Variants in DPP10 observed in about 807,000 individuals in gnomAD.
DPP10 encodes inactive dipeptidyl peptidase 10.
A neutral mutation model predicts 120.9 loss-of-function variants in DPP10; 33 were observed. The observed-to-expected ratio is 0.27, with a 90% confidence interval of 0.21 to 0.37. The LOEUF (loss-of-function observed/expected upper bound fraction) is 0.37. Ranked by LOEUF, DPP10 falls within the 10% of genes least tolerant of loss-of-function variation. The pLI, the probability that DPP10 is intolerant of heterozygous loss-of-function variation, is 1.00. For missense variants in DPP10, 816 were observed against 942.8 expected (o/e 0.87, Z 1.76); for synonymous variants, 337 against 326.1 (o/e 1.03, Z -0.36).
At chr2:115,400,674 G>GA (rs2068009415) in intron 3 of DPP10, among the ~76,000 whole-genome samples, 1 of 151,674 alleles carries the variant, frequency 6.6e-6, no homozygotes. Context: ...TGTGATATTG[G>GA]AAAAAAATAG....
At chr2:115,666,721 G>A (rs62157881) in intron 5 of DPP10, among the ~76,000 whole-genome samples, 11,789 of 152,158 alleles carry the variant, frequency 0.077, 645 homozygotes, top group Non-Finnish European at 0.11. Flanking sequence ...ATGAACAGAC[G>A]TGTTCCTCTG....
chr2:115,774,058 A>G (rs1319180010), intron 13 of DPP10, among the ~76,000 whole-genome samples: 1 of 152,140 alleles, frequency 6.6e-6, no homozygotes, highest in Non-Finnish European at 1.5e-5. Flanking sequence ...TTTTGGTCCT[A>G]CACTTGAAAG....
At chr2:115,131,247 G>T (rs1375526029) in intron 1 of DPP10, 1 of 152,238 alleles carries the variant, frequency 6.6e-6, no homozygotes, top group Non-Finnish European at 1.5e-5. Context: ...GGGCACAATG[G>T]CTCATGCCTG....
At chr2:114,601,163 T>C (rs1338598947) in intron 1 of DPP10, among the ~76,000 whole-genome samples, 2 of 151,912 alleles carry the variant, frequency 1.3e-5, no homozygotes, top group African/African-American at 2.4e-5. Context: ...AGCTGATACA[T>C]GCTTGGCACT....
chr2:114,520,469 G>A (rs185831077), intron 1 of DPP10, among the ~76,000 whole-genome samples: 2 of 152,280 alleles, frequency 1.3e-5, no homozygotes, highest in Admixed American at 1.3e-4. Flanking sequence ...ATTACAAATT[G>A]ACAGCAGATA....
At chr2:114,997,707 A>T (rs6542234) in intron 1 of DPP10, among the ~76,000 whole-genome samples, 2 of 152,152 alleles carry the variant, frequency 1.3e-5, no homozygotes, top group Admixed American at 1.3e-4. Flanking sequence ...GATGAGTGTT[A>T]TTGAAAAGAA....
intron 3 of DPP10, among the ~76,000 whole-genome samples, chr2:115,430,704 C>T (rs923507257): frequency 2.6e-5 from 4 of 151,994 alleles, no homozygotes; most frequent in East Asian, 1.9e-4. Context: ...ATTTTCTACC[C>T]GAAAAGCCTT....
chr2:115,322,755 A>G (rs770637102), intron 2 of DPP10, among the ~76,000 whole-genome samples: 6 of 151,502 alleles, frequency 4.0e-5, no homozygotes, highest in Admixed American at 1.3e-4. Flanking sequence ...AAATCATACA[A>G]TTTTTTTTTG....
intron 1 of DPP10, among the ~76,000 whole-genome samples, chr2:114,487,163 A>G (rs887813811): frequency 3.3e-5 from 5 of 152,216 alleles, no homozygotes; most frequent in Admixed American, 6.6e-5. Context: ...TTTTTGTTCC[A>G]TATCTTGCCC....
intron 1 of DPP10, among the ~76,000 whole-genome samples, chr2:115,016,801 C>G (rs569346930): frequency 1.3e-3 from 197 of 152,140 alleles, no homozygotes; most frequent in Admixed American, 2.6e-3. Flanking sequence ...AGACTTGGAA[C>G]CAACCCAAAT....
At chr2:114,799,816 G>T (rs1280377233) in intron 1 of DPP10, among the ~76,000 whole-genome samples, 1 of 152,238 alleles carries the variant, frequency 6.6e-6, no homozygotes, top group Non-Finnish European at 1.5e-5. Context: ...GGTAGGGGAA[G>T]GAAGAGGAGT....
chr2:115,615,716 A>C lies in DPP10; in HGVS notation c.442-73971A>C, dbSNP rs115536800. 6.0e-3 allele frequency among the ~76,000 whole-genome samples: 917 copies of C among 152,304 alleles called. 9 individuals are homozygous for C. Among genetic ancestry groups the C allele is most frequent in the African/African-American group, 0.021 (871 of 41,566 alleles). On this transcript the variant is annotated intron_variant, in intron 5 of 25. Transcript: ENST00000410059. ...ATTGCAATTATTTATGGGGATTAGGAAAATTAATGTCAAATCTAATATTTT... is the reference window on the plus strand; with the variant it reads ...ATTGCAATTATTTATGGGGATTAGGCAAATTAATGTCAAATCTAATATTTT...
chr2:115,629,963 G>A (rs1490344439), intron 5 of DPP10, among the ~76,000 whole-genome samples: 3 of 151,850 alleles, frequency 2.0e-5, no homozygotes, highest in East Asian at 1.9e-4. Context: ...TTAATGGGAG[G>A]GAATAACATC....
intron 5 of DPP10, among the ~76,000 whole-genome samples, chr2:115,622,510 C>CTTTTTTTTTTTTTTTTTTTATTT (rs2085028904): frequency 8.5e-6 from 1 of 117,448 alleles, no homozygotes; most frequent in Non-Finnish European, 1.7e-5. Context: ...ATTTTATTGT[C>CTTTTTTTTTTTTTTTTTTTATTT]TTTTTTTTTT....
chr2:114,567,254 G>A (rs1166434137), intron 1 of DPP10, among the ~76,000 whole-genome samples: 1 of 152,192 alleles, frequency 6.6e-6, no homozygotes, highest in Non-Finnish European at 1.5e-5. Context: ...AGATGACCTT[G>A]TTGAAATCCT....
intron 2 of DPP10, among the ~76,000 whole-genome samples, chr2:115,310,542 T>G (rs528767049): frequency 6.6e-6 from 1 of 152,152 alleles, no homozygotes; most frequent in African/African-American, 2.4e-5. Context: ...AGGGAGCTAC[T>G]AGGGAGGAAG....
At chr2:115,190,027 G>A (rs557497343) in intron 1 of DPP10, among the ~76,000 whole-genome samples, 1 of 152,214 alleles carries the variant, frequency 6.6e-6, no homozygotes, top group South Asian at 2.1e-4. Flanking sequence ...TTCATCATGA[G>A]GTAAACTCCT....
intron 2 of DPP10, among the ~76,000 whole-genome samples, chr2:115,309,765 AAG>A (rs1476366807): frequency 6.6e-6 from 1 of 152,054 alleles, no homozygotes; most frequent in Non-Finnish European, 1.5e-5. Context: ...TTGATGGAAA[AAG>A]ATCAGATCGA....
intron 3 of DPP10, among the ~76,000 whole-genome samples, chr2:115,399,992 G>A (rs2067951872): frequency 1.3e-5 from 2 of 152,136 alleles, no homozygotes; most frequent in South Asian, 4.1e-4. Context: ...AATCATGATG[G>A]AAGGTAAAAA....
Sources: gnomAD v4.1 joint callset for allele counts (sites outside exome capture counted in the v4.1 genomes callset) on GRCh38, gnomAD v4.1.1 for gene constraint, MANE v1.5 for transcripts, NCBI Gene and HGNC (gene_info 2026-07-23, HGNC 2026-07-21) for gene names.